The following LYSET variants were observed in gnomAD, a reference collection of about 807,000 sequenced individuals.
LYSET encodes the protein lysosomal enzyme trafficking factor.
At chr14:93,185,263 C>A in the LYSET span, 2 of 641,472 alleles carry the variant, frequency 3.1e-6, no homozygotes, top group East Asian at 3.3e-5. Flanking sequence ...TCTCCGGCGG[C>A]GGCGACGGGG....
the LYSET span, chr14:93,186,858 G>A: frequency 1.8e-6 from 1 of 551,408 alleles, no homozygotes; most frequent in Non-Finnish European, 3.1e-6. Flanking sequence ...CTGAGATAGA[G>A]TACTACAAAA....
At chr14:93,185,203 G>A in the LYSET span, 1 of 289,820 alleles carries the variant, frequency 3.5e-6, no homozygotes, top group Non-Finnish European at 6.3e-6. Flanking sequence ...GCCGCCCGGA[G>A]GCCCAAGTGG....
At chr14:93,186,516 C>A in the LYSET span, 1 of 1,614,234 alleles carries the variant, frequency 6.2e-7, no homozygotes. Flanking sequence ...ACCTTACTTA[C>A]AGATGTTTTT....
chr14:93,185,981 G>C, the LYSET span, among the ~76,000 whole-genome samples: 1 of 151,146 alleles, frequency 6.6e-6, no homozygotes, highest in Admixed American at 6.6e-5. Flanking sequence ...CCATTCTCCT[G>C]CCTCAGCCTC....
At chr14:93,186,766 T>C in the LYSET span, 2 of 1,359,442 alleles carry the variant, frequency 1.5e-6, no homozygotes, top group African/African-American at 2.9e-5. Context: ...TCTCAGGAAG[T>C]TGTCGTGGGG....
chr14:93,186,151 G>T, the LYSET span: 1 of 1,126,244 alleles, frequency 8.9e-7, no homozygotes, highest in Non-Finnish European at 1.3e-6. Flanking sequence ...TTACAGGCGC[G>T]AGCCACCGCG....
the LYSET span, among the ~76,000 whole-genome samples, chr14:93,187,884 C>A: frequency 6.6e-6 from 1 of 151,080 alleles, no homozygotes; most frequent in Non-Finnish European, 1.5e-5. Flanking sequence ...CCTCACCTAA[C>A]TAAGGTAATC....
the LYSET span, chr14:93,185,582 A>C: frequency 3.8e-6 from 4 of 1,048,642 alleles, no homozygotes; most frequent in African/African-American, 6.3e-5. Context: ...AAAGTGTTTC[A>C]CCTGTCAAAG....
the LYSET span, chr14:93,185,266 C>A: frequency 4.4e-6 from 3 of 678,262 alleles, no homozygotes; most frequent in African/African-American, 5.7e-5. Flanking sequence ...CCGGCGGCGG[C>A]GACGGGGGCC....
At chr14:93,185,588 C>CA in the LYSET span, 1 of 979,632 alleles carries the variant, frequency 1.0e-6, no homozygotes, top group South Asian at 1.4e-5. Flanking sequence ...TTTCACCTGT[C>CA]AAAGTGAAAT....
the LYSET span, chr14:93,185,317 A>C: frequency 7.9e-7 from 1 of 1,267,328 alleles, no homozygotes; most frequent in African/African-American, 1.5e-5. Context: ...GTTCTTAATC[A>C]CTAGTAGCTG....
At chr14:93,186,176 C>A in the LYSET span, 1 of 1,395,568 alleles carries the variant, frequency 7.2e-7, no homozygotes. Context: ...GCCTAGAATT[C>A]TTGGAGATAA....
the LYSET span, among the ~76,000 whole-genome samples, chr14:93,187,569 C>G: frequency 6.6e-6 from 1 of 152,066 alleles, no homozygotes; most frequent in Admixed American, 6.6e-5. Flanking sequence ...AAATAACTTA[C>G]AAATAGAAGA....
At chr14:93,186,588 T>C in the LYSET span, 8 of 1,614,246 alleles carry the variant, frequency 5.0e-6, no homozygotes, top group South Asian at 1.1e-5. Flanking sequence ...CATCCCTATA[T>C]GCTTGGCAGT....
the LYSET span, chr14:93,186,459 C>T: frequency 6.2e-7 from 1 of 1,614,234 alleles, no homozygotes; most frequent in Non-Finnish European, 8.5e-7. Context: ...CTTGAAAGCT[C>T]AATTACTCTC....
chr14:93,187,690 G>T, the LYSET span, among the ~76,000 whole-genome samples: 1 of 152,104 alleles, frequency 6.6e-6, no homozygotes, highest in Non-Finnish European at 1.5e-5. Context: ...GGAGTGCAGT[G>T]GTGCAGTCTT....
chr14:93,186,587 A>G, the LYSET span: 1 of 1,614,164 alleles, frequency 6.2e-7, no homozygotes, highest in Non-Finnish European at 8.5e-7. Context: ...TCATCCCTAT[A>G]TGCTTGGCAG....
the LYSET span, among the ~76,000 whole-genome samples, chr14:93,187,321 G>A: frequency 1.3e-5 from 2 of 151,990 alleles, no homozygotes; most frequent in Admixed American, 6.6e-5. Context: ...ATGGGGTCTC[G>A]CTATGTTGCC....
At chr14:93,186,819 C>A in the LYSET span, 6 of 809,930 alleles carry the variant, frequency 7.4e-6, no homozygotes, top group African/African-American at 1.1e-4. Context: ...CTATCTTTAT[C>A]TGAATAATAA....
Sources: allele counts gnomAD v4.1 joint callset (sites outside exome capture counted in the v4.1 genomes callset), GRCh38; gene constraint gnomAD v4.1.1; transcripts MANE v1.5; gene names NCBI Gene and HGNC (gene_info 2026-07-23, HGNC 2026-07-21).